Variants in TRPM6 observed in about 807,000 individuals in gnomAD.
TRPM6 encodes channel kinase 2.
In TRPM6, 111 loss-of-function variants were observed where a neutral mutation model predicts 247.6. The ratio of observed to expected loss-of-function variants is 0.45; its 90% CI spans 0.38 to 0.52. TRPM6 has a LOEUF of 0.52. TRPM6 is among the 20% of genes least tolerant of loss of function. TRPM6 has a pLI of 0.00. For missense variants in TRPM6, 2,126 were observed against 2,421.5 expected (o/e 0.88, Z 2.56); for synonymous variants, 892 against 853.8 (o/e 1.04, Z -0.78).
intron 3 of TRPM6, among the ~76,000 whole-genome samples, chr9:74,845,751 T>A (rs1830089347): frequency 6.6e-6 from 1 of 151,996 alleles, no homozygotes; most frequent in Non-Finnish European, 1.5e-5. Context: ...CACTTGAGCC[T>A]GGGAGGCAGA....
chr9:74,858,459 G>C (rs1830595317), intron 2 of TRPM6, among the ~76,000 whole-genome samples: 1 of 152,216 alleles, frequency 6.6e-6, no homozygotes, highest in Non-Finnish European at 1.5e-5. Context: ...ACTGGAGTAA[G>C]AGTAAGGTAA....
chr9:74,807,142 G>A (rs1828552509), intron 14 of TRPM6, among the ~76,000 whole-genome samples: 1 of 152,152 alleles, frequency 6.6e-6, no homozygotes, highest in African/African-American at 2.4e-5. Flanking sequence ...ATTTCTGAAA[G>A]CCAAGCTGGG....
intron 1 of TRPM6, among the ~76,000 whole-genome samples, chr9:74,884,971 A>G: frequency 6.6e-6 from 1 of 152,246 alleles, no homozygotes; most frequent in East Asian, 1.9e-4. Flanking sequence ...CTGTGCATCA[A>G]ACATCAAGAG....
intron 1 of TRPM6, among the ~76,000 whole-genome samples, chr9:74,873,389 G>A (rs971166684): frequency 6.6e-6 from 1 of 152,172 alleles, no homozygotes; most frequent in Non-Finnish European, 1.5e-5. Context: ...ACTGTCTGAA[G>A]TACAGCCTGA....
intron 25 of TRPM6, among the ~76,000 whole-genome samples, chr9:74,770,011 A>G (rs892991155): frequency 3.3e-5 from 5 of 152,206 alleles, no homozygotes; most frequent in African/African-American, 4.8e-5. Flanking sequence ...AGAAATTCAT[A>G]TAACTATGGA....
At chr9:74,833,963 C>T (rs749211987) in intron 6 of TRPM6, 35 bp downstream of exon 6, 3 of 1,612,386 alleles carry the variant, frequency 1.9e-6, no homozygotes, top group Non-Finnish European at 2.5e-6. Flanking sequence ...CACACGTGTT[C>T]GTTTGCTTTT....
chr9:74,884,186 C>G (rs1831454243), intron 1 of TRPM6, among the ~76,000 whole-genome samples: 1 of 151,598 alleles, frequency 6.6e-6, no homozygotes, highest in South Asian at 2.1e-4. Flanking sequence ...ATGCACAAAT[C>G]AAAATAATAA....
At chr9:74,754,475 C>T (rs1188216891) in intron 28 of TRPM6, among the ~76,000 whole-genome samples, 1 of 152,172 alleles carries the variant, frequency 6.6e-6, no homozygotes, top group South Asian at 2.1e-4. Flanking sequence ...AGAGCATTCC[C>T]CCCACTTTAG....
rs1423365521 is a variant in TRPM6, at chr9:74,775,991, G to A, written c.3295C>T (p.Pro1099Ser). 4 of 1,614,108 alleles carry A rather than the reference G, an allele frequency of 2.5e-6. No homozygotes were observed. Among genetic ancestry groups the A allele is most frequent in the East Asian group, 2.2e-5 (1 of 44,854 alleles). The change falls in exon 24 of 39, where the codon CCC becomes TCC. Residue 1099 changes from proline (P) to serine (S), a missense_variant. By Grantham distance (74) the Pro-to-Ser change is moderately conservative. This residue lies in a region of TRPM6 where 717 missense variants were observed against 715.9 expected (regional missense o/e 1.00). Coordinates refer to ENST00000360774, the MANE Select transcript of TRPM6 (RefSeq NM_017662.5). ...YRYIMTYHEK[P>S]WLPPPLILLS... ...AGGATGAGAGGTGGGGGCAGCCAGG[G>A]CTTCTCGTGGTAGGTCATGATGTAG...
At chr9:74,766,751 A>C (rs574453116) in intron 25 of TRPM6, among the ~76,000 whole-genome samples, 1 of 151,906 alleles carries the variant, frequency 6.6e-6, no homozygotes, top group South Asian at 2.1e-4. Context: ...TCTCTACTAA[A>C]AAAAAAAAAA....
intron 32 of TRPM6, among the ~76,000 whole-genome samples, chr9:74,742,988 C>T (rs748527831): frequency 2.0e-4 from 31 of 152,308 alleles, no homozygotes; most frequent in Non-Finnish European, 4.0e-4. Flanking sequence ...ATCCAAAGCA[C>T]GGTGGGCTGT....
intron 6 of TRPM6, among the ~76,000 whole-genome samples, chr9:74,828,640 T>A (rs1829438156): frequency 6.6e-6 from 1 of 151,178 alleles, no homozygotes; most frequent in East Asian, 1.9e-4. Flanking sequence ...TCTTTTTTTT[T>A]TTTTTTGAGA....
intron 30 of TRPM6, among the ~76,000 whole-genome samples, chr9:74,748,401 C>A (rs866666744): frequency 2.0e-5 from 3 of 152,180 alleles, no homozygotes; most frequent in Non-Finnish European, 2.9e-5. Context: ...CTGTAAACAG[C>A]CTCTGGCAGG....
rs1249790412 is a variant in TRPM6 at position 74,761,956 on chromosome 9, T to G, written c.4672+43A>C. 1.9e-6 allele frequency: 3 copies of G among 1,595,368 alleles called. No individual in the cohort carries two copies. In the Admixed American group the frequency reaches 5.0e-5, roughly 27 times the overall value. On this transcript the variant is annotated intron_variant, in intron 26 of 38. Transcript: ENST00000360774. ...CAAAACAAAACAAAACCAGTAGCAATGCAAAGGACTTAATGCTGATATTTT... is the reference window on the plus strand; with the variant it reads ...CAAAACAAAACAAAACCAGTAGCAAGGCAAAGGACTTAATGCTGATATTTT...
intron 3 of TRPM6, among the ~76,000 whole-genome samples, chr9:74,850,635 G>A (rs1250296355): frequency 1.3e-5 from 2 of 151,928 alleles, no homozygotes; most frequent in Non-Finnish European, 2.9e-5. Flanking sequence ...AAGGAGAATT[G>A]CTTGAACCTA....
chr9:74,759,283 A>G (rs948394890), intron 27 of TRPM6, among the ~76,000 whole-genome samples: 2 of 145,240 alleles, frequency 1.4e-5, no homozygotes, highest in African/African-American at 5.1e-5. Context: ...TGGAAATGCA[A>G]AGAACACAAA....
At chr9:74,766,749 A>G (rs1826839645) in intron 25 of TRPM6, among the ~76,000 whole-genome samples, 1 of 142,570 alleles carries the variant, frequency 7.0e-6, no homozygotes, top group African/African-American at 2.6e-5. Flanking sequence ...CATCTCTACT[A>G]AAAAAAAAAA....
In TRPM6 at chr9:74,742,483, A is replaced by C; in HGVS notation, c.5200+78T>G. 2.9e-6 allele frequency: 4 copies of C among 1,362,038 alleles called. No homozygotes were observed. The South Asian group carries it at 4.8e-5, about 16-fold the overall frequency. 84.4% of individuals were successfully genotyped at this position (1,362,038 alleles called of 1,614,324 possible). On this transcript the variant is annotated intron_variant, in intron 33 of 38. Transcript: ENST00000360774. The stretch of plus-strand genomic sequence containing the variant: ...ACAAAATTTTCAACTAAAATAATGC[A>C]ATGTGGTTTCCTTTGATTCACTCAG...
chr9:74,723,488 A>G lies in TRPM6; in HGVS notation c.*1125T>C, dbSNP rs1421329853. The G allele has an allele frequency of 6.9e-6, 1 of 145,358 alleles. No homozygotes were observed. The highest frequency in any genetic ancestry group is 1.5e-5 in the Non-Finnish European group (1 of 66,574). 9.0% of individuals were successfully genotyped at this position (145,358 alleles called of 1,614,324 possible). Reference sequence around the variant, plus strand: ...TTCTTAATGATTTCCAGTTCTTCATATTCTTGTTCTCGTTTAAAAAAAAAA... The same window carrying G: ...TTCTTAATGATTTCCAGTTCTTCATGTTCTTGTTCTCGTTTAAAAAAAAAA... On this transcript the variant is annotated 3_prime_UTR_variant, in exon 39 of 39. Coordinates refer to ENST00000360774, the MANE Select transcript of TRPM6 (RefSeq NM_017662.5).
Sources: allele counts gnomAD v4.1 joint callset (sites outside exome capture counted in the v4.1 genomes callset), GRCh38; gene constraint gnomAD v4.1.1; regional missense constraint gnomAD v4.1.1; transcripts MANE v1.5; gene names NCBI Gene and HGNC (gene_info 2026-07-23, HGNC 2026-07-21).